The following EPHA5 variants were observed in gnomAD, a reference collection of about 807,000 sequenced individuals.
The protein encoded by EPHA5 is EPH receptor A5.
Under a neutral mutation model 105.0 loss-of-function variants are expected in EPHA5, and 60 were observed. The ratio of observed to expected loss-of-function variants is 0.57; its 90% CI spans 0.46 to 0.71. The LOEUF (loss-of-function observed/expected upper bound fraction) is 0.71. Ranked by LOEUF, EPHA5 falls within the 30% of genes least tolerant of loss-of-function variation. The probability of loss-of-function intolerance (pLI) is 0.00; values close to 1 mark genes in which losing one functional copy is unlikely to be tolerated. For synonymous variants in EPHA5, 513 were observed against 449.1 expected, an observed-to-expected ratio of 1.14 and a Z score of -1.80; for missense variants, 1,218 against 1,274.7, an observed-to-expected ratio of 0.96 and a Z score of 0.68.
At chr4:65,536,466 T>G (rs966868627) in intron 3 of EPHA5, among the ~76,000 whole-genome samples, 1 of 151,932 alleles carries the variant, frequency 6.6e-6, no homozygotes, top group African/African-American at 2.4e-5. Flanking sequence ...ATTTTTTTAT[T>G]AATTGTGTGA....
chr4:65,497,395 T>G (rs1001830932), intron 3 of EPHA5, among the ~76,000 whole-genome samples: 1 of 152,158 alleles, frequency 6.6e-6, no homozygotes, highest in African/African-American at 2.4e-5. Context: ...AATGCTCTTA[T>G]AAATTCTGAG....
chr4:65,522,954 T>C (rs1190045755), intron 3 of EPHA5, among the ~76,000 whole-genome samples: 7 of 151,934 alleles, frequency 4.6e-5, no homozygotes, highest in African/African-American at 1.7e-4. Flanking sequence ...CAAGGGATTC[T>C]AAAAAGCATG....
At chr4:65,475,423 G>A (rs1314761703) in intron 5 of EPHA5, among the ~76,000 whole-genome samples, 3 of 152,014 alleles carry the variant, frequency 2.0e-5, no homozygotes, top group Non-Finnish European at 4.4e-5. Context: ...TCTAATAAAG[G>A]ACTCATGCAT....
chr4:65,539,596 A>T (rs1053883626), intron 3 of EPHA5, among the ~76,000 whole-genome samples: 1 of 151,660 alleles, frequency 6.6e-6, no homozygotes, highest in African/African-American at 2.4e-5. Flanking sequence ...CTGCAATTTG[A>T]TCAATAGAGA....
At chr4:65,514,264 C>A (rs1274999796) in intron 3 of EPHA5, among the ~76,000 whole-genome samples, 1 of 152,158 alleles carries the variant, frequency 6.6e-6, no homozygotes, top group Non-Finnish European at 1.5e-5. Context: ...CTGATGTTGA[C>A]ATTCTTCTCA....
intron 11 of EPHA5, among the ~76,000 whole-genome samples, chr4:65,358,054 C>T (rs2148872275): frequency 6.6e-6 from 1 of 151,388 alleles, no homozygotes; most frequent in Admixed American, 6.6e-5. Flanking sequence ...ATAGACATGG[C>T]CTGGGAACTT....
chr4:65,342,843 G>A (rs1203347767), intron 14 of EPHA5, among the ~76,000 whole-genome samples: 1 of 151,684 alleles, frequency 6.6e-6, no homozygotes, highest in Non-Finnish European at 1.5e-5. Flanking sequence ...GGCACACCCA[G>A]TACAAAGCTA....
intron 14 of EPHA5, among the ~76,000 whole-genome samples, chr4:65,345,083 C>A (rs1722087783): frequency 6.6e-6 from 1 of 152,112 alleles, no homozygotes; most frequent in Admixed American, 6.6e-5. Flanking sequence ...ATCCCTCTGA[C>A]ACAAGGTTGT....
Position 65,512,658 on chromosome 4 carries a change from G to A in EPHA5, c.911-17115C>T, listed in dbSNP as rs530888855. On this transcript the variant is annotated intron_variant, in intron 3 of 16. Coordinates refer to ENST00000613740, the MANE Select transcript of EPHA5 (RefSeq NM_001281766.3). ...GAGGACCCCTAGAGGCCCAGCAGAA[G>A]CCAATAGGGCTTCCTGTAAAACTTG... Among the ~76,000 whole-genome samples, 5 of 152,218 alleles carry A rather than the reference G, an allele frequency of 3.3e-5. No homozygotes were observed. The East Asian group carries it at 5.8e-4, about 18-fold the overall frequency.
intron 5 of EPHA5, among the ~76,000 whole-genome samples, chr4:65,481,913 AAGTT>A (rs1730402187): frequency 6.6e-6 from 1 of 152,210 alleles, no homozygotes; most frequent in South Asian, 2.1e-4. Context: ...AAGTTAAATA[AAGTT>A]CAGACACTTG....
At chr4:65,342,572 T>C (rs1440268154) in intron 14 of EPHA5, among the ~76,000 whole-genome samples, 1 of 151,802 alleles carries the variant, frequency 6.6e-6, no homozygotes, top group Non-Finnish European at 1.5e-5. Context: ...GTATATCTGA[T>C]GTGCCAGATA....
intron 5 of EPHA5, among the ~76,000 whole-genome samples, chr4:65,462,579 G>C (rs896820071): frequency 6.6e-6 from 1 of 152,132 alleles, no homozygotes; most frequent in Admixed American, 6.5e-5. Flanking sequence ...GGGGAGGCTA[G>C]AGTGACCAGA....
chr4:65,537,903 A>T (rs1736442713), intron 3 of EPHA5, among the ~76,000 whole-genome samples: 1 of 151,816 alleles, frequency 6.6e-6, no homozygotes, highest in Admixed American at 6.6e-5. Context: ...TTTGTTATTT[A>T]AAAACCTCGA....
intron 8 of EPHA5, among the ~76,000 whole-genome samples, chr4:65,385,733 T>C (rs1478527490): frequency 6.6e-6 from 1 of 151,924 alleles, no homozygotes; most frequent in East Asian, 1.9e-4. Context: ...TATAAATGTA[T>C]GTGTGTGATT....
At chr4:65,583,604 A>C (rs564306444) in intron 3 of EPHA5, among the ~76,000 whole-genome samples, 1 of 151,946 alleles carries the variant, frequency 6.6e-6, no homozygotes, top group African/African-American at 2.4e-5. Flanking sequence ...AATGATGAAT[A>C]ATGCATATCG....
chr4:65,497,486 G>A (rs942728060), intron 3 of EPHA5, among the ~76,000 whole-genome samples: 2 of 152,020 alleles, frequency 1.3e-5, no homozygotes, highest in Admixed American at 6.6e-5. Context: ...ATTAGGAGAA[G>A]ATTTAAAATA....
At chr4:65,405,851 T>G (rs566562026) in intron 7 of EPHA5, among the ~76,000 whole-genome samples, 1 of 152,206 alleles carries the variant, frequency 6.6e-6, no homozygotes, top group Admixed American at 6.6e-5. Flanking sequence ...GTCTGCTTTA[T>G]TAATCTCTAA....
chr4:65,565,860 T>G (rs1307539117), intron 3 of EPHA5, among the ~76,000 whole-genome samples: 1 of 151,760 alleles, frequency 6.6e-6, no homozygotes, highest in Admixed American at 6.6e-5. Flanking sequence ...GAATAAACAC[T>G]TTTTATTTCC....
intron 8 of EPHA5, among the ~76,000 whole-genome samples, chr4:65,375,999 A>C (rs1482681792): frequency 6.6e-6 from 1 of 151,692 alleles, no homozygotes; most frequent in African/African-American, 2.4e-5. Flanking sequence ...ATATTTCTAA[A>C]TTACATCATC....
Sources: gnomAD v4.1 joint callset for allele counts (sites outside exome capture counted in the v4.1 genomes callset) on GRCh38, gnomAD v4.1.1 for gene constraint, MANE v1.5 for transcripts, NCBI Gene and HGNC (gene_info 2026-07-23, HGNC 2026-07-21) for gene names.